The following DOCK3 variants were observed in gnomAD, a reference collection of about 807,000 sequenced individuals.
The protein encoded by DOCK3 is dedicator of cytokinesis 3, also known as dedicator of cytokinesis protein 3.
In DOCK3, 60 loss-of-function variants were observed where a neutral mutation model predicts 265.6. The observed-to-expected ratio is 0.23, with a 90% CI of 0.18 to 0.28. The LOEUF is 0.28. DOCK3 is among the 10% of genes least tolerant of loss of function. DOCK3 has a pLI of 1.00. For synonymous variants in DOCK3, 881 were observed against 938.0 expected, an observed-to-expected ratio of 0.94 and a Z score of 1.11; for missense variants, 1,981 against 2,594.3, an observed-to-expected ratio of 0.76 and a Z score of 5.14.
chr3:50,735,803 A>G (rs1262129780), intron 1 of DOCK3, among the ~76,000 whole-genome samples: 2 of 152,164 alleles, frequency 1.3e-5, no homozygotes, highest in African/African-American at 2.4e-5. Context: ...TAATTGGCTC[A>G]TGGTTCTGCG....
At chr3:51,006,551 C>T (rs1015007299) in intron 5 of DOCK3, among the ~76,000 whole-genome samples, 2 of 152,174 alleles carry the variant, frequency 1.3e-5, no homozygotes, top group East Asian at 1.9e-4. Flanking sequence ...GATTGAGTCT[C>T]ATCAATTGTA....
intron 14 of DOCK3, among the ~76,000 whole-genome samples, chr3:51,218,172 G>A (rs140015744): frequency 1.6e-4 from 24 of 150,538 alleles, no homozygotes; most frequent in Non-Finnish European, 2.2e-4. Context: ...AGTGGCTCAC[G>A]CCTATAATCC....
At chr3:51,054,120 C>CT (rs1269863418) in intron 5 of DOCK3, among the ~76,000 whole-genome samples, 707 of 57,140 alleles carry the variant, frequency 0.012, 11 homozygotes, top group African/African-American at 0.05. Context: ...CCGTAGCTTC[C>CT]TAAAAAAAAA....
chr3:51,161,830 T>C (rs1346689421), intron 12 of DOCK3, among the ~76,000 whole-genome samples: 2 of 152,178 alleles, frequency 1.3e-5, no homozygotes, highest in East Asian at 3.8e-4. Flanking sequence ...AGCTAAGATA[T>C]TATTCTTCAC....
At chr3:51,184,945 A>G (rs1421293873) in intron 12 of DOCK3, among the ~76,000 whole-genome samples, 1 of 152,144 alleles carries the variant, frequency 6.6e-6, no homozygotes, top group East Asian at 1.9e-4. Context: ...TCCTCCTCAA[A>G]ACACATTACT....
chr3:51,330,255 T>C, intron 33 of DOCK3, 32 bp downstream of exon 33: 2 of 1,562,102 alleles, frequency 1.3e-6, no homozygotes, highest in Non-Finnish European at 1.7e-6. Flanking sequence ...CACACCACAC[T>C]GGGGGATGGG....
intron 48 of DOCK3, among the ~76,000 whole-genome samples, chr3:51,362,309 T>C (rs994430210): frequency 9.9e-5 from 15 of 152,172 alleles, no homozygotes; most frequent in African/African-American, 3.6e-4. Flanking sequence ...GCTTCCTCCA[T>C]GGTCACCGTA....
intron 3 of DOCK3, among the ~76,000 whole-genome samples, chr3:50,865,945 A>G (rs751392432): frequency 1.3e-5 from 2 of 152,136 alleles, no homozygotes; most frequent in Admixed American, 6.5e-5. Context: ...TGCAGTTGGT[A>G]TATTTTCTTT....
intron 9 of DOCK3, among the ~76,000 whole-genome samples, chr3:51,093,932 G>T (rs971775246): frequency 2.0e-5 from 3 of 152,260 alleles, no homozygotes; most frequent in Non-Finnish European, 2.9e-5. Flanking sequence ...TAAACATGTG[G>T]TTTTTGTCAT....
At chr3:51,312,313 GA>G (rs1438472569) in intron 29 of DOCK3, among the ~76,000 whole-genome samples, 162 bp from the exon 30 acceptor site, 6 of 151,660 alleles carry the variant, frequency 4.0e-5, no homozygotes, top group Non-Finnish European at 5.9e-5. Flanking sequence ...AGTTAAGGGG[GA>G]AAAAAAGAAA....
intron 5 of DOCK3, among the ~76,000 whole-genome samples, chr3:50,958,996 C>G (rs1443092760): frequency 6.6e-6 from 1 of 152,192 alleles, no homozygotes; most frequent in Non-Finnish European, 1.5e-5. Flanking sequence ...AGTAGGGCTA[C>G]TATCACCACA....
At chr3:50,888,261 T>C (rs1373788767) in intron 3 of DOCK3, among the ~76,000 whole-genome samples, 2 of 151,962 alleles carry the variant, frequency 1.3e-5, no homozygotes, top group South Asian at 2.1e-4. Context: ...CCATTCACAA[T>C]TGCGTCAAAG....
chr3:50,783,635 T>G (rs1477966473), intron 2 of DOCK3, among the ~76,000 whole-genome samples: 1 of 152,212 alleles, frequency 6.6e-6, no homozygotes. Context: ...GAAGATTTTC[T>G]CCCACTTTGT....
chr3:50,757,623 T>A (rs1213759243), intron 1 of DOCK3, among the ~76,000 whole-genome samples: 8 of 152,162 alleles, frequency 5.3e-5, no homozygotes, highest in Non-Finnish European at 1.2e-4. Flanking sequence ...AGTTTTAAAT[T>A]TTGATGAAAT....
At chr3:51,043,657 G>A (rs1055391782) in intron 5 of DOCK3, among the ~76,000 whole-genome samples, 1 of 150,936 alleles carries the variant, frequency 6.6e-6, no homozygotes, top group Admixed American at 6.6e-5. Flanking sequence ...CTGCAGAATG[G>A]GAGAAAATTT....
At chr3:50,851,334 T>G (rs529587900) in intron 3 of DOCK3, among the ~76,000 whole-genome samples, 3 of 152,256 alleles carry the variant, frequency 2.0e-5, no homozygotes, top group African/African-American at 4.8e-5. Flanking sequence ...CCTGGAGATC[T>G]GCTTGGGTGT....
intron 32 of DOCK3, among the ~76,000 whole-genome samples, chr3:51,323,398 T>C (rs2083873568): frequency 6.6e-6 from 1 of 152,164 alleles, no homozygotes; most frequent in Admixed American, 6.5e-5. Flanking sequence ...ATCAACAGAA[T>C]ATACATTCTT....
At chr3:50,958,254 G>A (rs768365641) in intron 5 of DOCK3, among the ~76,000 whole-genome samples, 1 of 152,158 alleles carries the variant, frequency 6.6e-6, no homozygotes, top group Non-Finnish European at 1.5e-5. Context: ...AGAAAGAATA[G>A]CTGCACCTTC....
intron 2 of DOCK3, among the ~76,000 whole-genome samples, chr3:50,808,660 G>A (rs1043093474): frequency 2.0e-5 from 3 of 152,134 alleles, no homozygotes; most frequent in African/African-American, 7.2e-5. Context: ...TCACCAGCAG[G>A]CTCCATGTTC....
Sources: gnomAD v4.1 joint callset for allele counts (sites outside exome capture counted in the v4.1 genomes callset) on GRCh38, gnomAD v4.1.1 for gene constraint, MANE v1.5 for transcripts, NCBI Gene and HGNC (gene_info 2026-07-23, HGNC 2026-07-21) for gene names.